Variants in ZBTB37 observed in about 807,000 individuals in gnomAD.
The protein encoded by ZBTB37 is zinc finger and BTB domain containing 37, also known as zinc finger and BTB domain-containing protein 37.
A neutral mutation model predicts 37.7 loss-of-function variants in ZBTB37; 15 were observed. That is an observed-to-expected ratio of 0.40 (90% confidence interval 0.27 to 0.61). The LOEUF (loss-of-function observed/expected upper bound fraction) is 0.61, where lower values mean the gene tolerates loss of function less well. ZBTB37 is among the 20% of genes least tolerant of loss of function. The probability of loss-of-function intolerance (pLI) is 0.44; values close to 1 mark genes in which losing one functional copy is unlikely to be tolerated. For missense variants in ZBTB37, 514 were observed against 641.9 expected (o/e 0.80, Z 2.15); for synonymous variants, 231 against 220.6 (o/e 1.05, Z -0.42).
exon 3 of ZBTB37, chr1:173,870,234 A>G: frequency 6.2e-7 from 1 of 1,606,868 alleles, no homozygotes; most frequent in South Asian, 1.1e-5. Context: ...CCATGGAGAA[A>G]GGTGGGAACA....
Position 173,881,821 on chromosome 1 carries a change from G to A in ZBTB37, c.1024-3815G>A, listed in dbSNP as rs145039975. ...TGCAATCCCAGCACTTTGGGAGGCC[G>A]AGGCGGGCGGATCACAAGGTCAGGA... On this transcript the variant is annotated intron_variant, in intron 4 of 4. Coordinates refer to ENST00000427304, the Ensembl canonical transcript of ZBTB37. 1.4e-4 allele frequency among the ~76,000 whole-genome samples: 22 copies of A among 152,226 alleles called. No homozygotes were observed. In the East Asian group the frequency reaches 2.9e-3, roughly 20 times the overall value.
intron 4 of ZBTB37, among the ~76,000 whole-genome samples, chr1:173,879,848 G>C (rs1264604424): frequency 6.6e-6 from 1 of 152,164 alleles, no homozygotes; most frequent in Non-Finnish European, 1.5e-5. Context: ...CTACTCGGGA[G>C]GCTGCAACAG....
exon 4 of ZBTB37, chr1:173,893,445 A>G (rs902904943): frequency 3.9e-5 from 6 of 152,208 alleles, no homozygotes; most frequent in Non-Finnish European, 7.3e-5. Flanking sequence ...TGTATAATAA[A>G]ACTGGTTTTA....
chr1:173,879,361 T>A (rs1557887348), intron 4 of ZBTB37, among the ~76,000 whole-genome samples: 1 of 152,136 alleles, frequency 6.6e-6, no homozygotes. Flanking sequence ...GTAGTTGCCC[T>A]AAAAATTAAA....
intron 3 of ZBTB37, among the ~76,000 whole-genome samples, chr1:173,872,531 C>T (rs971758761): frequency 1.3e-5 from 2 of 152,010 alleles, no homozygotes; most frequent in African/African-American, 2.4e-5. Context: ...TATTGTCTTC[C>T]TGTGTCCTTA....
chr1:173,871,854 A>G (rs968904617), intron 3 of ZBTB37, among the ~76,000 whole-genome samples: 6 of 152,038 alleles, frequency 3.9e-5, no homozygotes, highest in Admixed American at 2.0e-4. Flanking sequence ...TGGAAATACC[A>G]TGGGTTTCAG....
intron 3 of ZBTB37, among the ~76,000 whole-genome samples, chr1:173,872,479 T>A: frequency 6.6e-6 from 1 of 152,140 alleles, no homozygotes; most frequent in Non-Finnish European, 1.5e-5. Flanking sequence ...TTCAGGCGTT[T>A]CTCCTGCCAC....
downstream of ZBTB37, chr1:173,890,302 A>T (rs1214859068): frequency 2.0e-5 from 3 of 152,260 alleles, no homozygotes; most frequent in Admixed American, 1.3e-4. Context: ...TGTCTAACTT[A>T]AATGAAAGCA....
In ZBTB37 at chr1:173,872,286, G is replaced by A. The variant is rs544952295; in HGVS notation, c.923+1138G>A. Among the ~76,000 whole-genome samples, 11 of 152,140 alleles carry A rather than the reference G, an allele frequency of 7.2e-5. No homozygotes were observed. The South Asian group carries it at 2.3e-3, about 32-fold the overall frequency. ...GATGGGGTTTTACCATGCTAGCCAG[G>A]ATGGTCTCGATCTCCTGACCTCGTG... On this transcript the variant is annotated intron_variant, in intron 3 of 4. Transcript: ENST00000427304.
intron 4 of ZBTB37, among the ~76,000 whole-genome samples, chr1:173,878,820 A>C (rs905204274): frequency 6.6e-6 from 1 of 152,200 alleles, no homozygotes; most frequent in Non-Finnish European, 1.5e-5. Context: ...GCAGTGGCTC[A>C]TGCCTATAAT....
Position 173,873,567 on chromosome 1 carries a change from G to A in ZBTB37, c.1023+1G>A. 6.2e-7 allele frequency: 1 copy of A among 1,614,040 alleles called. No individual in the cohort carries two copies. Among genetic ancestry groups the A allele is most frequent in the Non-Finnish European group, 8.5e-7 (1 of 1,179,954 alleles). On this transcript the variant is annotated splice_donor_variant, in intron 4 of 4. Coordinates refer to ENST00000427304, the Ensembl canonical transcript of ZBTB37. LOFTEE classifies it high-confidence loss of function. The stretch of plus-strand genomic sequence containing the variant: ...TGAGCCTAAGCAACCCAGCTCCCAG[G>A]TATGGAGTTGTGGATTTAGAACTGC...
At chr1:173,879,539 C>T (rs1026133996) in intron 4 of ZBTB37, among the ~76,000 whole-genome samples, 3 of 152,180 alleles carry the variant, frequency 2.0e-5, no homozygotes, top group East Asian at 3.9e-4. Context: ...AAGAGGGCTC[C>T]GCAGTCTAAT....
intron 4 of ZBTB37, among the ~76,000 whole-genome samples, chr1:173,875,330 A>ATATTT (rs1399968929): frequency 1.6e-5 from 2 of 122,474 alleles, no homozygotes; most frequent in African/African-American, 7.8e-5. Flanking sequence ...ATATATATAT[A>ATATTT]TTTTTTTTTT....
exon 4 of ZBTB37, chr1:173,899,888 G>A (rs1657192504): frequency 6.6e-6 from 1 of 152,174 alleles, no homozygotes; most frequent in Non-Finnish European, 1.5e-5. Context: ...GGGAGATATT[G>A]TCATCCATCC....
intron 4 of ZBTB37, among the ~76,000 whole-genome samples, chr1:173,877,452 T>G (rs4652229): frequency 0.48 from 70,774 of 148,718 alleles, 19,746 homozygotes; most frequent in African/African-American, 0.77. Flanking sequence ...TATGATCATG[T>G]CTCACTGCAG....
chr1:173,869,517 T>C (rs1655360063), intron 2 of ZBTB37, among the ~76,000 whole-genome samples: 1 of 152,230 alleles, frequency 6.6e-6, no homozygotes, highest in Non-Finnish European at 1.5e-5. Context: ...CAACTTCGAA[T>C]TTGGCAGATT....
chr1:173,874,109 C>T (rs1655755646), intron 4 of ZBTB37, among the ~76,000 whole-genome samples: 1 of 151,654 alleles, frequency 6.6e-6, no homozygotes. Flanking sequence ...TACAAAATTA[C>T]CCAGGCATGG....
chr1:173,871,227 A>G, intron 3 of ZBTB37, 79 bp downstream of exon 3: 1 of 1,320,452 alleles, frequency 7.6e-7, no homozygotes, highest in Non-Finnish European at 1.0e-6. Flanking sequence ...TAGTACAGAG[A>G]GCATTTTCCT....
At chr1:173,895,079 A>G (rs1353558594) in exon 4 of ZBTB37, 1 of 152,162 alleles carries the variant, frequency 6.6e-6, no homozygotes, top group African/African-American at 2.4e-5. Context: ...AATACTCTAG[A>G]GGGAGTAAAA....
Sources: gnomAD v4.1 joint callset for allele counts (sites outside exome capture counted in the v4.1 genomes callset) on GRCh38, gnomAD v4.1.1 for gene constraint, MANE v1.5 for transcripts, NCBI Gene and HGNC (gene_info 2026-07-23, HGNC 2026-07-21) for gene names.